The following WDFY3 variants were observed in gnomAD, a reference collection of about 807,000 sequenced individuals.
WDFY3 encodes WD repeat and FYVE domain containing 3.
Under a neutral mutation model 409.6 loss-of-function variants are expected in WDFY3, and 66 were observed. The ratio of observed to expected loss-of-function variants is 0.16; its 90% CI spans 0.13 to 0.20. The LOEUF (loss-of-function observed/expected upper bound fraction) is 0.20, where lower values mean the gene tolerates loss of function less well. WDFY3 is among the 10% of genes least tolerant of loss of function. The probability of loss-of-function intolerance (pLI) is 1.00; values close to 1 mark genes in which losing one functional copy is unlikely to be tolerated. For missense variants in WDFY3, 3,031 were observed against 4,298.1 expected, an observed-to-expected ratio of 0.71 and a Z score of 8.24; for synonymous variants, 1,521 against 1,537.1, an observed-to-expected ratio of 0.99 and a Z score of 0.25.
intron 6 of WDFY3, among the ~76,000 whole-genome samples, chr4:84,837,449 AATAG>A (rs1254680532): frequency 1.3e-5 from 2 of 152,204 alleles, no homozygotes; most frequent in Admixed American, 6.5e-5. Flanking sequence ...TTCTTATAAA[AATAG>A]ATAGAATGAT....
chr4:84,777,985 TC>T (rs1324345374), intron 27 of WDFY3, among the ~76,000 whole-genome samples: 1 of 151,780 alleles, frequency 6.6e-6, no homozygotes, highest in Non-Finnish European at 1.5e-5. Context: ...AAGAATGAGG[TC>T]CCAAGGGTAT....
At chr4:84,894,128 A>G (rs1765301886) in intron 3 of WDFY3, among the ~76,000 whole-genome samples, 2 of 152,250 alleles carry the variant, frequency 1.3e-5, no homozygotes, top group Admixed American at 6.5e-5. Flanking sequence ...AGGAATAACA[A>G]AAGGCAAATA....
At chr4:84,849,700 A>G in intron 5 of WDFY3, 1 of 552,218 alleles carries the variant, frequency 1.8e-6, no homozygotes, top group Non-Finnish European at 3.0e-6. Context: ...GTCCAGGCAG[A>G]GTAGCCTTGA....
At chr4:84,894,199 T>C (rs187561480) in intron 3 of WDFY3, among the ~76,000 whole-genome samples, 60 of 152,250 alleles carry the variant, frequency 3.9e-4, no homozygotes, top group Non-Finnish European at 1.3e-4. Context: ...CAAAACAATA[T>C]ATGTTAAATA....
chr4:84,842,089 A>ATCT (rs1757437674), intron 5 of WDFY3, among the ~76,000 whole-genome samples: 1 of 152,210 alleles, frequency 6.6e-6, no homozygotes, highest in African/African-American at 2.4e-5. Context: ...AGAGAAGAGT[A>ATCT]AATGGAGAAG....
At chr4:84,717,261 A>G (rs1424180241) in intron 48 of WDFY3, among the ~76,000 whole-genome samples, 1 of 152,214 alleles carries the variant, frequency 6.6e-6, no homozygotes, top group Non-Finnish European at 1.5e-5. Context: ...TCTACCAGAC[A>G]TGGTTAGCAC....
chr4:84,895,956 C>T (rs534845249), intron 3 of WDFY3, among the ~76,000 whole-genome samples: 19 of 151,898 alleles, frequency 1.3e-4, no homozygotes, highest in Non-Finnish European at 2.5e-4. Context: ...TGGAACATGG[C>T]GAAATAAAAG....
chr4:84,894,995 T>G (rs1383844687), intron 3 of WDFY3, among the ~76,000 whole-genome samples: 1 of 151,852 alleles, frequency 6.6e-6, no homozygotes, highest in Non-Finnish European at 1.5e-5. Context: ...GTAAATATTT[T>G]TCTCATAATT....
intron 29 of WDFY3, 104 bp from the exon 30 acceptor site, chr4:84,773,033 T>C (rs1372944516): frequency 3.7e-6 from 3 of 810,160 alleles, no homozygotes; most frequent in Non-Finnish European, 5.5e-6. Context: ...ACCAAAACAG[T>C]ACTTTTTTTT....
intron 15 of WDFY3, among the ~76,000 whole-genome samples, chr4:84,806,992 T>C (rs1751628004): frequency 6.6e-6 from 1 of 152,190 alleles, no homozygotes; most frequent in Non-Finnish European, 1.5e-5. Flanking sequence ...GGACTAAATG[T>C]TTTTAAACAG....
At chr4:84,908,188 C>T (rs189928982) in intron 2 of WDFY3, among the ~76,000 whole-genome samples, 1 of 152,248 alleles carries the variant, frequency 6.6e-6, no homozygotes, top group Non-Finnish European at 1.5e-5. Flanking sequence ...TGGAAAACGG[C>T]TCCAAAGGGC....
chr4:84,756,152 T>C (rs1389917942), intron 33 of WDFY3, among the ~76,000 whole-genome samples: 5 of 152,186 alleles, frequency 3.3e-5, no homozygotes, highest in African/African-American at 4.8e-5. Context: ...ATTTTCCCAA[T>C]GTGGATGCTA....
In WDFY3 at chr4:84,724,460, T is replaced by C. The variant is rs1735333514; in HGVS notation, c.7407A>G (p.Pro2469=). The part of the protein sequence containing the change: ...SSEGEAAQQE[P]EHGEDTIAKV... ...TAGCAATAGTGTCTTCCCCATGCTC[T>C]GGTTCTTGCTGAGCAGCTTCACCTT... Residue 2469 remains proline, a synonymous_variant, in exon 46 of 68, where the codon CCA becomes CCG. Coordinates refer to ENST00000295888, the MANE Select transcript of WDFY3 (RefSeq NM_014991.6). 1 of 1,613,726 alleles carries C rather than the reference T, an allele frequency of 6.2e-7. No individual in the cohort carries two copies. The highest frequency in any genetic ancestry group is 1.3e-5 in the African/African-American group (1 of 74,920).
chr4:84,730,481 A>C (rs760582078), intron 44 of WDFY3, among the ~76,000 whole-genome samples: 7 of 152,260 alleles, frequency 4.6e-5, no homozygotes, highest in Non-Finnish European at 8.8e-5. Context: ...TTCTTTTTCA[A>C]AGTGATTCAA....
intron 55 of WDFY3, among the ~76,000 whole-genome samples, chr4:84,702,755 A>AG (rs1199007333): frequency 1.3e-5 from 2 of 152,256 alleles, no homozygotes; most frequent in African/African-American, 4.8e-5. Context: ...GATTTTAAAA[A>AG]GTCATCCAAA....
chr4:84,831,316 C>T (rs1200497109), intron 8 of WDFY3, 97 bp downstream of exon 8: 1 of 957,866 alleles, frequency 1.0e-6, no homozygotes, highest in Non-Finnish European at 1.4e-6. Flanking sequence ...TTTTAAAGAA[C>T]AAGCTTTAGA....
intron 8 of WDFY3, among the ~76,000 whole-genome samples, chr4:84,830,976 C>T (rs1755626308): frequency 6.6e-6 from 1 of 151,938 alleles, no homozygotes; most frequent in Non-Finnish European, 1.5e-5. Context: ...ATCACAAGGT[C>T]AGGAGTTCAA....
chr4:84,765,956 G>A lies in WDFY3; in HGVS notation c.5042C>T (p.Ser1681Phe), dbSNP rs755001416. Residue 1681 changes from serine (S) to phenylalanine (F), a missense_variant, in exon 32 of 68, where the codon TCC becomes TTC. Ser to Phe is a radical substitution (Grantham distance 155). This residue lies in a region of WDFY3 where 342 missense variants were observed against 463.7 expected (regional missense o/e 0.74). Transcript: ENST00000295888. The stretch of plus-strand genomic sequence containing the variant: ...CCTCATGGCTGCTGTAACTGTGGTG[G>A]AATGTAAGTGTTCCTCCATAAACAT... Reference protein sequence around the residue: ...IMMFMEEHLHSTTVTAAMRIL... With the variant: ...IMMFMEEHLHFTTVTAAMRIL... 1 of 1,613,962 alleles carries A rather than the reference G, an allele frequency of 6.2e-7. No homozygotes were observed. The highest frequency in any genetic ancestry group is 2.2e-5 in the East Asian group (1 of 44,828).
chr4:84,927,259 C>G (rs1324997098), intron 2 of WDFY3, among the ~76,000 whole-genome samples: 1 of 152,104 alleles, frequency 6.6e-6, no homozygotes, highest in Non-Finnish European at 1.5e-5. Context: ...AACCTTTTCT[C>G]CATGAACTTG....
Sources: gnomAD v4.1 joint callset for allele counts (sites outside exome capture counted in the v4.1 genomes callset) on GRCh38, gnomAD v4.1.1 for gene constraint, gnomAD v4.1.1 regional missense constraint, MANE v1.5 for transcripts, NCBI Gene and HGNC (gene_info 2026-07-23, HGNC 2026-07-21) for gene names.